The following ST8SIA1 variants were observed in gnomAD, a reference collection of about 807,000 sequenced individuals.
The protein encoded by ST8SIA1 is alpha-N-acetylneuraminide alpha-2,8-sialyltransferase.
In ST8SIA1, 16 loss-of-function variants were observed where a neutral mutation model predicts 35.9. The observed-to-expected ratio is 0.45, with a 90% CI of 0.30 to 0.68. The LOEUF (loss-of-function observed/expected upper bound fraction) is 0.68. ST8SIA1 is among the 30% of genes least tolerant of loss of function. The pLI, the probability that ST8SIA1 is intolerant of heterozygous loss-of-function variation, is 0.09. For synonymous variants in ST8SIA1, 170 were observed against 169.6 expected (o/e 1.00, Z -0.02); for missense variants, 383 against 453.6 (o/e 0.84, Z 1.41).
At chr12:22,261,604 G>T (rs1865792801) in intron 2 of ST8SIA1, among the ~76,000 whole-genome samples, 1 of 152,030 alleles carries the variant, frequency 6.6e-6, no homozygotes, top group African/African-American at 2.4e-5. Context: ...AAATTTTCCT[G>T]GAGCATCTAA....
intron 2 of ST8SIA1, among the ~76,000 whole-genome samples, chr12:22,274,906 A>G (rs1039358023): frequency 2.0e-5 from 3 of 152,258 alleles, no homozygotes; most frequent in African/African-American, 7.2e-5. Flanking sequence ...CAGTGTGGTC[A>G]GCAGAAAGCA....
chr12:22,304,076 C>A (rs1333843973), intron 1 of ST8SIA1, among the ~76,000 whole-genome samples: 1 of 152,152 alleles, frequency 6.6e-6, no homozygotes, highest in Non-Finnish European at 1.5e-5. Flanking sequence ...TTTTTTCCAC[C>A]ACAATAGCCT....
chr12:22,222,200 A>T (rs1158210239), intron 4 of ST8SIA1, among the ~76,000 whole-genome samples: 1 of 152,328 alleles, frequency 6.6e-6, no homozygotes, highest in African/African-American at 2.4e-5. Flanking sequence ...ACACCTTTTA[A>T]CATCACACTG....
intron 1 of ST8SIA1, among the ~76,000 whole-genome samples, chr12:22,313,299 A>C (rs1866476196): frequency 6.6e-6 from 1 of 152,198 alleles, no homozygotes; most frequent in Admixed American, 6.5e-5. Flanking sequence ...AGTATTATTT[A>C]AGTTCATTTT....
In ST8SIA1 at chr12:22,199,440, T is replaced by C. The variant is rs1248444949; in HGVS notation, c.*2112A>G. 1 of 152,184 alleles carries C rather than the reference T, an allele frequency of 6.6e-6. No homozygotes were observed. The highest frequency in any genetic ancestry group is 1.5e-5 in the Non-Finnish European group (1 of 68,014). The allele number at this position is 152,184 out of a possible 1,614,324, so 9.4% of individuals were successfully genotyped here. A position where few individuals can be genotyped will look rare whatever the true frequency, so the allele number is the denominator to read the frequency against. On this transcript the variant is annotated 3_prime_UTR_variant, in exon 5 of 5. Transcript: ENST00000396037. ...TAGTAAAAATGTATTCTTTTTTAGG[T>C]AACTGCTAAATAACAGTAGCTCAAA... is the stretch of plus-strand genomic sequence containing the variant.
intron 4 of ST8SIA1, among the ~76,000 whole-genome samples, chr12:22,220,746 G>A (rs1448140069): frequency 2.6e-5 from 4 of 152,222 alleles, no homozygotes; most frequent in African/African-American, 9.6e-5. Context: ...GGATCCTCAC[G>A]GAAATAGTAG....
intron 4 of ST8SIA1, among the ~76,000 whole-genome samples, chr12:22,217,835 C>A (rs941391736): frequency 6.6e-6 from 1 of 152,154 alleles, no homozygotes; most frequent in East Asian, 1.9e-4. Context: ...AAGAAATAAG[C>A]ATTATCTCCA....
At chr12:22,239,341 C>G (rs963213207) in intron 4 of ST8SIA1, among the ~76,000 whole-genome samples, 1 of 152,134 alleles carries the variant, frequency 6.6e-6, no homozygotes, top group African/African-American at 2.4e-5. Flanking sequence ...CCTTCTCATT[C>G]TATCGTCCAT....
At chr12:22,301,593 A>C (rs1458155816) in intron 1 of ST8SIA1, among the ~76,000 whole-genome samples, 1 of 152,182 alleles carries the variant, frequency 6.6e-6, no homozygotes, top group African/African-American at 2.4e-5. Flanking sequence ...TTCAATAAGA[A>C]TATGTTTTCA....
intron 1 of ST8SIA1, among the ~76,000 whole-genome samples, chr12:22,302,867 A>G (rs1166867795): frequency 2.0e-5 from 3 of 151,824 alleles, no homozygotes; most frequent in Non-Finnish European, 4.4e-5. Flanking sequence ...TCTCTCACCT[A>G]CCTGTGACCT....
chr12:22,220,977 A>C (rs937761614), intron 4 of ST8SIA1, among the ~76,000 whole-genome samples: 3 of 152,164 alleles, frequency 2.0e-5, no homozygotes, highest in Non-Finnish European at 4.4e-5. Flanking sequence ...GCTTTTCTAC[A>C]TATTGGCAGT....
intron 2 of ST8SIA1, among the ~76,000 whole-genome samples, chr12:22,284,989 GA>G (rs1438106881): frequency 6.6e-6 from 1 of 152,152 alleles, no homozygotes; most frequent in African/African-American, 2.4e-5. Context: ...GCTGTTAAAG[GA>G]GATTGCTTCC....
At chr12:22,258,099 G>A (rs1865747402) in intron 2 of ST8SIA1, among the ~76,000 whole-genome samples, 1 of 152,082 alleles carries the variant, frequency 6.6e-6, no homozygotes, top group South Asian at 2.1e-4. Flanking sequence ...TCTGGAGAAA[G>A]AGCTGCCTGG....
intron 1 of ST8SIA1, among the ~76,000 whole-genome samples, chr12:22,308,345 C>T (rs1179277721): frequency 6.6e-6 from 1 of 152,082 alleles, no homozygotes; most frequent in Non-Finnish European, 1.5e-5. Context: ...CATAACCATA[C>T]AAAGAAAAAT....
At chr12:22,325,996 G>A (rs1046589394) in intron 1 of ST8SIA1, 26 of 630,500 alleles carry the variant, frequency 4.1e-5, no homozygotes, top group African/African-American at 7.4e-5. Flanking sequence ...ATCTCATCAC[G>A]CTACTCAAAA....
intron 1 of ST8SIA1, among the ~76,000 whole-genome samples, chr12:22,327,283 G>A (rs1866694133): frequency 6.6e-6 from 1 of 152,230 alleles, no homozygotes; most frequent in African/African-American, 2.4e-5. Flanking sequence ...ACTCCAGGAA[G>A]TTTGGTCCTG....
Position 22,300,253 on chromosome 12 carries a change from A to G in ST8SIA1, c.237-12960T>C, listed in dbSNP as rs574602954. Among the ~76,000 whole-genome samples, 7 of 152,282 alleles carry G rather than the reference A, an allele frequency of 4.6e-5. No individual in the cohort carries two copies. In the South Asian group the frequency reaches 1.0e-3, roughly 23 times the overall value. On this transcript the variant is annotated intron_variant, in intron 1 of 4. Coordinates refer to ENST00000396037, the MANE Select transcript of ST8SIA1 (RefSeq NM_003034.4). ...TCTCCAGGCCCACTATAAAATGCCAATCCAAAATAAACTGCATTCCTGAGA... is the reference window on the plus strand; with the variant it reads ...TCTCCAGGCCCACTATAAAATGCCAGTCCAAAATAAACTGCATTCCTGAGA...
intron 4 of ST8SIA1, among the ~76,000 whole-genome samples, chr12:22,239,124 TTC>T (rs1274432444): frequency 2.6e-5 from 4 of 152,192 alleles, no homozygotes; most frequent in Non-Finnish European, 5.9e-5. Context: ...TGTCTTTTCT[TTC>T]TGTCTGCTTT....
intron 4 of ST8SIA1, among the ~76,000 whole-genome samples, chr12:22,245,391 A>T (rs1027943453): frequency 9.9e-5 from 15 of 152,212 alleles, no homozygotes; most frequent in African/African-American, 3.4e-4. Flanking sequence ...TTGTAAATGT[A>T]ATTTTTTCTT....
Sources: allele counts gnomAD v4.1 joint callset (sites outside exome capture counted in the v4.1 genomes callset), GRCh38; gene constraint gnomAD v4.1.1; transcripts MANE v1.5; gene names NCBI Gene and HGNC (gene_info 2026-07-23, HGNC 2026-07-21).